The following OPCML variants were observed in gnomAD, a reference collection of about 807,000 sequenced individuals.
The protein encoded by OPCML is opioid binding protein/cell adhesion molecule like, also known as opioid-binding protein/cell adhesion molecule.
A neutral mutation model predicts 37.8 loss-of-function variants in OPCML; 13 were observed. That is an observed-to-expected ratio of 0.34 (90% CI 0.22 to 0.55). The LOEUF is 0.55. Ranked by LOEUF, OPCML falls within the 20% of genes least tolerant of loss-of-function variation. The pLI is 0.91. For missense variants in OPCML, 341 were observed against 435.6 expected, an observed-to-expected ratio of 0.78 and a Z score of 1.93; for synonymous variants, 176 against 168.8, an observed-to-expected ratio of 1.04 and a Z score of -0.33.
At chr11:132,605,783 T>C (rs2137809061) in intron 3 of OPCML, among the ~76,000 whole-genome samples, 1 of 152,300 alleles carries the variant, frequency 6.6e-6, no homozygotes, top group Admixed American at 6.5e-5. Context: ...GAACACAGGT[T>C]TGTCCATGTC....
intron 3 of OPCML, among the ~76,000 whole-genome samples, chr11:132,564,772 T>C (rs1458327207): frequency 1.3e-5 from 2 of 152,192 alleles, no homozygotes; most frequent in African/African-American, 2.4e-5. Context: ...TTATATGCTG[T>C]GTTAAACATG....
At chr11:132,609,407 A>G (rs983904233) in intron 3 of OPCML, among the ~76,000 whole-genome samples, 1 of 152,128 alleles carries the variant, frequency 6.6e-6, no homozygotes, top group African/African-American at 2.4e-5. Context: ...CCTCATTCAC[A>G]AGCTACTCCT....
Position 133,051,980 on chromosome 11 carries a change from G to A in OPCML, c.62-108970C>T, listed in dbSNP as rs140754904. On this transcript the variant is annotated intron_variant, in intron 1 of 7. Coordinates refer to ENST00000524381, the MANE Select transcript of OPCML (RefSeq NM_001012393.5). Reference sequence around the variant, plus strand: ...GCGGGGAGGAGATAAACCCCCAGGGGTTCAACAAAGCAAAGCTTCTTTAGA... The same window carrying A: ...GCGGGGAGGAGATAAACCCCCAGGGATTCAACAAAGCAAAGCTTCTTTAGA... Among the ~76,000 whole-genome samples, 10 of 152,292 alleles carry A rather than the reference G, an allele frequency of 6.6e-5. No homozygotes were observed. In the East Asian group the frequency reaches 1.4e-3, roughly 21 times the overall value.
chr11:132,645,247 A>C (rs1941084529), intron 3 of OPCML, among the ~76,000 whole-genome samples: 2 of 152,240 alleles, frequency 1.3e-5, no homozygotes, highest in Non-Finnish European at 2.9e-5. Flanking sequence ...TACAGTGTAC[A>C]GTGATCTGTC....
chr11:133,248,785 G>A (rs1305264224), intron 1 of OPCML, among the ~76,000 whole-genome samples: 1 of 152,242 alleles, frequency 6.6e-6, no homozygotes. Context: ...GCCACAGAAA[G>A]AGGGAATGGT....
intron 1 of OPCML, chr11:133,418,124 A>G: frequency 4.1e-6 from 4 of 985,422 alleles, no homozygotes; most frequent in Non-Finnish European, 4.8e-6. Context: ...TATGGCGTGA[A>G]GTCGAAGACA....
chr11:133,021,847 CT>C (rs1947462444), intron 1 of OPCML, among the ~76,000 whole-genome samples: 3 of 136,894 alleles, frequency 2.2e-5, no homozygotes. Flanking sequence ...TTAAGCTCCA[CT>C]TGCCTGTGAC....
At chr11:133,387,788 T>C (rs961160215) in intron 1 of OPCML, among the ~76,000 whole-genome samples, 3 of 152,148 alleles carry the variant, frequency 2.0e-5, no homozygotes, top group Admixed American at 6.5e-5. Flanking sequence ...GAAGACACAG[T>C]GATAGATGTT....
chr11:133,375,271 A>G (rs1944776784), intron 1 of OPCML, among the ~76,000 whole-genome samples: 1 of 152,242 alleles, frequency 6.6e-6, no homozygotes, highest in Non-Finnish European at 1.5e-5. Context: ...TGTTACATAC[A>G]TAAGTATATA....
At chr11:133,191,505 GT>G (rs1402436206) in intron 1 of OPCML, among the ~76,000 whole-genome samples, 23 of 26,972 alleles carry the variant, frequency 8.5e-4, no homozygotes, top group African/African-American at 4.8e-3. Flanking sequence ...GTGTGTGTGG[GT>G]GTGTGTGTGT....
chr11:133,037,947 C>T (rs1947811133), intron 1 of OPCML, among the ~76,000 whole-genome samples: 1 of 152,194 alleles, frequency 6.6e-6, no homozygotes, highest in African/African-American at 2.4e-5. Flanking sequence ...ATTAGGGTCC[C>T]CTTGGACTCA....
In OPCML at chr11:132,442,152, G is replaced by A. The variant is rs373804393; in HGVS notation, c.506-4793C>T. 1.8e-4 allele frequency among the ~76,000 whole-genome samples: 28 copies of A among 152,312 alleles called. No homozygotes were observed. In the South Asian group the frequency reaches 5.4e-3, roughly 29 times the overall value. On this transcript the variant is annotated intron_variant, in intron 4 of 7. Transcript: ENST00000524381. ...CAAGGATCTTCACCTTGCATAGTCT[G>A]CAATCTCATGGGGCCAGGACTCAAA...
rs139730664 is a variant in OPCML, at chr11:133,333,235, T to G, written c.61+199029A>C. On this transcript the variant is annotated intron_variant, in intron 1 of 7. Coordinates refer to ENST00000524381, the MANE Select transcript of OPCML (RefSeq NM_001012393.5). ...CACCATGCCCAGTACATTTTTGTAT[T>G]TTTAGTAGAGACTGGGTTTCACCAT... 1.6e-3 allele frequency among the ~76,000 whole-genome samples: 236 copies of G among 152,190 alleles called. 6 individuals are homozygous for G. Among genetic ancestry groups the G allele is most frequent in the Middle Eastern group, 0.014 (4 of 294 alleles).
intron 3 of OPCML, among the ~76,000 whole-genome samples, chr11:132,550,641 C>T (rs1302496951): frequency 6.6e-6 from 1 of 152,188 alleles, no homozygotes; most frequent in East Asian, 1.9e-4. Context: ...CCTAAGAGGG[C>T]ATCTCTAATA....
intron 2 of OPCML, among the ~76,000 whole-genome samples, chr11:132,693,084 G>C (rs1274976471): frequency 6.6e-6 from 1 of 152,210 alleles, no homozygotes; most frequent in African/African-American, 2.4e-5. Flanking sequence ...TCTTTGCCCA[G>C]AAGGATTATT....
intron 1 of OPCML, among the ~76,000 whole-genome samples, chr11:132,994,539 A>G (rs909034747): frequency 2.6e-5 from 4 of 151,916 alleles, no homozygotes; most frequent in African/African-American, 4.8e-5. Flanking sequence ...CCAAGGTAGT[A>G]CTGAGTCTGC....
rs144804780 is a variant in OPCML, at chr11:133,480,628, C to T, written c.61+51636G>A. ...TCTCTACCAGGTCTGGATTAAACCT[C>T]CTATCATGCATGAAACTCTTTCTGA... On this transcript the variant is annotated intron_variant, in intron 1 of 7. Transcript: ENST00000524381. Among the ~76,000 whole-genome samples, 485 of 152,344 alleles carry T rather than the reference C, an allele frequency of 3.2e-3. 5 individuals carry two copies. The highest frequency in any genetic ancestry group is 6.8e-3 in the Middle Eastern group (2 of 294).
At chr11:133,325,865 GT>G (rs1165082877) in intron 1 of OPCML, among the ~76,000 whole-genome samples, 1 of 152,164 alleles carries the variant, frequency 6.6e-6, no homozygotes, top group Non-Finnish European at 1.5e-5. Context: ...GCGGCCCTCT[GT>G]TCTGGACTCC....
chr11:133,315,265 T>A (rs1381438674), intron 1 of OPCML, among the ~76,000 whole-genome samples: 1 of 152,170 alleles, frequency 6.6e-6, no homozygotes, highest in Non-Finnish European at 1.5e-5. Context: ...GACAATAAAA[T>A]TTAATTGGAC....
Sources: allele counts gnomAD v4.1 joint callset (sites outside exome capture counted in the v4.1 genomes callset), GRCh38; gene constraint gnomAD v4.1.1; transcripts MANE v1.5; gene names NCBI Gene and HGNC (gene_info 2026-07-23, HGNC 2026-07-21).